Variants in PCNX1 observed in about 807,000 individuals in gnomAD.
PCNX1 encodes pecanex-like protein 1.
Under a neutral mutation model 242.2 loss-of-function variants are expected in PCNX1, and 78 were observed. The ratio of observed to expected loss-of-function variants is 0.32; its 90% CI spans 0.27 to 0.39. The LOEUF is 0.39. PCNX1 is among the 10% of genes least tolerant of loss of function. PCNX1 has a pLI of 1.00. For synonymous variants in PCNX1, 1,024 were observed against 1,032.9 expected (o/e 0.99, Z 0.17); for missense variants, 2,581 against 2,856.5 (o/e 0.90, Z 2.20).
chr14:71,024,455 T>G (rs1595282217), intron 13 of PCNX1, among the ~76,000 whole-genome samples: 1 of 152,180 alleles, frequency 6.6e-6, no homozygotes, highest in South Asian at 2.1e-4. Context: ...AGGCCAGTTA[T>G]TTTATAGACC....
At chr14:70,959,554 G>T (rs949300880) in intron 2 of PCNX1, among the ~76,000 whole-genome samples, 2 of 151,854 alleles carry the variant, frequency 1.3e-5, no homozygotes, top group Admixed American at 1.3e-4. Context: ...ACAAAGGACA[G>T]GAACTCATCA....
At chr14:70,908,089 G>C (rs2055645822) in intron 1 of PCNX1, 86 bp downstream of exon 1, 1 of 1,316,912 alleles carries the variant, frequency 7.6e-7, no homozygotes, top group East Asian at 3.0e-5. Context: ...CTCTTCCACG[G>C]GGTCTCGTCC....
chr14:70,947,084 G>T lies in PCNX1; in HGVS notation c.323G>T (p.Gly108Val). 6.2e-7 allele frequency: 1 copy of T among 1,612,978 alleles called. No homozygotes were observed. Among genetic ancestry groups the T allele is most frequent in the African/African-American group, 1.3e-5 (1 of 75,008 alleles). The change falls in exon 2 of 36, where the codon GGC becomes GTC. Residue 108 changes from glycine (G) to valine (V), a missense_variant. Physicochemically the swap from Gly to Val is moderately radical, Grantham distance 109. Transcript: ENST00000304743. ...GATCAGCGAACCAAAGCTGAACAAG[G>T]CAACTGTTCAACCAGGAGAAAAGAC... ...FTDQRTKAEQ[G>V]NCSTRRKDSN... is the part of the protein sequence containing the mutation.
intron 16 of PCNX1, among the ~76,000 whole-genome samples, chr14:71,029,127 C>G (rs1262650743): frequency 6.6e-6 from 1 of 151,990 alleles, no homozygotes; most frequent in East Asian, 1.9e-4. Context: ...AATTTAACTA[C>G]TTTTCCTATT....
intron 20 of PCNX1, among the ~76,000 whole-genome samples, chr14:71,046,531 T>C (rs1018271112): frequency 2.6e-5 from 4 of 152,064 alleles, no homozygotes; most frequent in Admixed American, 2.0e-4. Context: ...TTTTAGTTTA[T>C]CCTAGACACT....
chr14:71,056,627 A>G (rs1373239891), intron 25 of PCNX1, among the ~76,000 whole-genome samples: 1 of 152,038 alleles, frequency 6.6e-6, no homozygotes, highest in Non-Finnish European at 1.5e-5. Flanking sequence ...AGTTACTTCT[A>G]GAGATGGTCA....
chr14:71,102,353 C>CAG (rs2062486979), intron 31 of PCNX1, 133 bp downstream of exon 31: 1 of 620,506 alleles, frequency 1.6e-6, no homozygotes, highest in African/African-American at 1.8e-5. Context: ...GGGCTTACTG[C>CAG]AGGCTCTCGA....
At chr14:71,083,571 C>T (rs1323411456) in intron 28 of PCNX1, among the ~76,000 whole-genome samples, 2 of 151,950 alleles carry the variant, frequency 1.3e-5, no homozygotes, top group Non-Finnish European at 2.9e-5. Flanking sequence ...TTTCTCTCAT[C>T]TTGTCTTCAT....
chr14:70,951,015 T>C (rs1247922621), intron 2 of PCNX1, among the ~76,000 whole-genome samples: 1 of 152,082 alleles, frequency 6.6e-6, no homozygotes, highest in Non-Finnish European at 1.5e-5. Flanking sequence ...TATATAAATA[T>C]ACAATAAATT....
chr14:71,048,096 ACT>A lies in PCNX1; in HGVS notation c.4338+117_4338+118del, dbSNP rs1186123054. ...GTGATTTATTATTGTTTAAGTAATA[ACT>A]CTCTTCAACCAGTTATTTAGGAGCA... On this transcript the variant is annotated intron_variant, in intron 22 of 35. Coordinates refer to ENST00000304743, the MANE Select transcript of PCNX1 (RefSeq NM_014982.3). The A allele has an allele frequency of 1.6e-5, 10 of 644,430 alleles. No homozygotes were observed. In the South Asian group the frequency reaches 2.6e-4, roughly 17 times the overall value. The allele number at this position is 644,430 out of a possible 1,614,324, so 39.9% of individuals were successfully genotyped here.
At position 70,907,930 on chromosome 14, in the gene PCNX1, A is replaced by G. The variant is rs1324054629; in HGVS notation, c.80A>G (p.Gln27Arg). 1.9e-6 allele frequency: 3 copies of G among 1,595,874 alleles called. No homozygotes were observed. Among genetic ancestry groups the G allele is most frequent in the East Asian group, 2.4e-5 (1 of 41,846 alleles). The change falls in exon 1 of 36, where the codon CAG becomes CGG. Residue 27 changes from glutamine to arginine, a missense_variant. Gln to Arg is a conservative substitution (Grantham distance 43). Around this residue, in one of 9 missense-constraint regions of PCNX1, gnomAD observed 1,204 missense variants for 1,216.7 expected, o/e 0.99. Coordinates refer to ENST00000304743, the MANE Select transcript of PCNX1 (RefSeq NM_014982.3). ...LSGGWYYDPH[Q>R]ATFVNALHLY... ...GGGGGCTGGTACTACGACCCGCACC[A>G]GGCCACCTTCGTGAACGCGCTGCAC...
At chr14:70,937,127 CTTTAG>C (rs1566588520) in intron 1 of PCNX1, among the ~76,000 whole-genome samples, 1 of 152,134 alleles carries the variant, frequency 6.6e-6, no homozygotes, top group African/African-American at 2.4e-5. Context: ...TGCAGAAACT[CTTTAG>C]TTTAATTAGA....
intron 9 of PCNX1, 108 bp downstream of exon 9, chr14:71,009,832 A>G: frequency 2.0e-6 from 1 of 492,572 alleles, no homozygotes; most frequent in Non-Finnish European, 3.5e-6. Flanking sequence ...TTTATAATTT[A>G]ATGTTGTTAA....
chr14:71,024,197 C>G (rs1224986316), intron 13 of PCNX1, among the ~76,000 whole-genome samples: 2 of 152,088 alleles, frequency 1.3e-5, no homozygotes, highest in Non-Finnish European at 2.9e-5. Flanking sequence ...CTCTAAATAT[C>G]TCAGTGTGTT....
intron 26 of PCNX1, among the ~76,000 whole-genome samples, chr14:71,067,395 T>C (rs923094195): frequency 2.0e-5 from 3 of 152,184 alleles, no homozygotes; most frequent in African/African-American, 7.2e-5. Context: ...TTCTAGTTTA[T>C]TTGCATAGGG....
intron 8 of PCNX1, among the ~76,000 whole-genome samples, chr14:71,005,921 CTTTTTT>C (rs372502839): frequency 7.4e-6 from 1 of 134,898 alleles, no homozygotes; most frequent in African/African-American, 2.7e-5. Context: ...GGTATCTTAA[CTTTTTT>C]TTTTTTTTTT....
Position 71,089,262 on chromosome 14 carries a change from G to A in PCNX1, c.5509G>A (p.Asp1837Asn), listed in dbSNP as rs1239862309. 1 of 1,611,084 alleles carries A rather than the reference G, an allele frequency of 6.2e-7. No individual in the cohort carries two copies. Among genetic ancestry groups the A allele is most frequent in the Non-Finnish European group, 8.5e-7 (1 of 1,177,518 alleles). The part of the protein sequence containing the change: ...KGDFRISSIR[D>N]EWIFADMELL... Reference sequence around the variant, plus strand: ...AGATTTCCGTATTTCTTCAATTCGAGATGAATGGATCTTTGCTGACATGGA... The same window carrying A: ...AGATTTCCGTATTTCTTCAATTCGAAATGAATGGATCTTTGCTGACATGGA... The change falls in exon 30 of 36, where the codon GAT (aspartate) becomes AAT (asparagine). Residue 1837 changes from aspartate (D) to asparagine (N), a missense_variant. Asp to Asn is a conservative substitution (Grantham distance 23). Around this residue, in one of 9 missense-constraint regions of PCNX1, gnomAD observed 298 missense variants for 480.1 expected, o/e 0.62. Coordinates refer to ENST00000304743, the MANE Select transcript of PCNX1 (RefSeq NM_014982.3).
intron 30 of PCNX1, among the ~76,000 whole-genome samples, chr14:71,099,236 GC>G (rs1349236897): frequency 6.8e-6 from 1 of 147,652 alleles, no homozygotes; most frequent in Non-Finnish European, 1.5e-5. Flanking sequence ...TCGGCTCACT[GC>G]AAGCTTGGCC....
intron 8 of PCNX1, among the ~76,000 whole-genome samples, chr14:71,002,686 G>A (rs1421205267): frequency 6.6e-6 from 1 of 152,160 alleles, no homozygotes; most frequent in African/African-American, 2.4e-5. Context: ...GCTTGCATGT[G>A]TGAGTAGTTT....
Sources: gnomAD v4.1 joint callset for allele counts (sites outside exome capture counted in the v4.1 genomes callset) on GRCh38, gnomAD v4.1.1 for gene constraint, gnomAD v4.1.1 regional missense constraint, MANE v1.5 for transcripts, NCBI Gene and HGNC (gene_info 2026-07-23, HGNC 2026-07-21) for gene names.